The following SCN1A variants were observed in gnomAD, a reference collection of about 807,000 sequenced individuals.
SCN1A encodes sodium voltage-gated channel alpha subunit 1, also known as sodium channel protein type 1 subunit alpha.
A neutral mutation model predicts 193.7 loss-of-function variants in SCN1A; 13 were observed. The ratio of observed to expected loss-of-function variants is 0.07; its 90% CI spans 0.04 to 0.11. The LOEUF (loss-of-function observed/expected upper bound fraction) is 0.11, where lower values mean the gene tolerates loss of function less well. Ranked by LOEUF, SCN1A falls within the 10% of genes least tolerant of loss-of-function variation. The pLI, the probability that SCN1A is intolerant of heterozygous loss-of-function variation, is 1.00. For synonymous variants in SCN1A, 781 were observed against 843.6 expected (o/e 0.93, Z 1.29); for missense variants, 1,432 against 2,451.1 (o/e 0.58, Z 8.78).
At chr2:166,016,979 A>G (rs889233347) in intron 19 of SCN1A, among the ~76,000 whole-genome samples, 1 of 150,500 alleles carries the variant, frequency 6.6e-6, no homozygotes. Flanking sequence ...TATTTGCTTG[A>G]AGAAGGATAG....
In SCN1A at chr2:165,987,557, C is replaced by T. The variant is rs1269549991; in HGVS notation, c.*3688G>A. ...TGCAAGAAACAGATTTGTACTTTTC[C>T]TTATTTACTTACATCAGTATGTATT... is the stretch of plus-strand genomic sequence containing the variant. On this transcript the variant is annotated 3_prime_UTR_variant, in exon 29 of 29. Coordinates refer to ENST00000674923, the MANE Select transcript of SCN1A (RefSeq NM_001165963.4). 2.6e-5 allele frequency: 4 copies of T among 152,000 alleles called. No individual in the cohort carries two copies. The highest frequency in any genetic ancestry group is 2.0e-4 in the Admixed American group (3 of 15,242). 9.4% of individuals were successfully genotyped at this position (152,000 alleles called of 1,614,324 possible).
chr2:166,037,315 G>T (rs1696516240), intron 18 of SCN1A, among the ~76,000 whole-genome samples: 1 of 152,152 alleles, frequency 6.6e-6, no homozygotes, highest in African/African-American at 2.4e-5. Context: ...AATGGCACAA[G>T]CATTATGAAC....
chr2:165,994,857 CAAAT>C (rs1689802826), intron 27 of SCN1A, among the ~76,000 whole-genome samples: 2 of 151,746 alleles, frequency 1.3e-5, no homozygotes, highest in African/African-American at 4.8e-5. Context: ...GTTGTATTCT[CAAAT>C]AATTGTTAAG....
intron 2 of SCN1A, among the ~76,000 whole-genome samples, chr2:166,122,084 G>T (rs148951837): frequency 1.1e-3 from 165 of 152,282 alleles, no homozygotes; most frequent in African/African-American, 3.5e-3. Flanking sequence ...CCAGAACTGT[G>T]ATAAATACTG....
At chr2:166,012,700 G>T (rs1203067109) in intron 21 of SCN1A, among the ~76,000 whole-genome samples, 1 of 137,082 alleles carries the variant, frequency 7.3e-6, no homozygotes, top group East Asian at 2.3e-4. Context: ...AATTGTGATT[G>T]ATCTTCGCAG....
chr2:165,994,148 A>G lies in SCN1A; in HGVS notation c.4850T>C (p.Val1617Ala). The G allele has an allele frequency of 6.2e-7, 1 of 1,605,294 alleles. No individual in the cohort carries two copies. Among genetic ancestry groups the G allele is most frequent in the Non-Finnish European group, 8.5e-7 (1 of 1,173,520 alleles). Reference sequence around the variant, plus strand: ...TAAGAACTTTAAATATTTCTTACCTACAATGGAGAGAATGACAACCACAAA... The same window carrying G: ...TAAGAACTTTAAATATTTCTTACCTGCAATGGAGAGAATGACAACCACAAA... ...FDFVVVILSI[V>A]GMFLAELIEK... is the part of the protein sequence containing the mutation. Residue 1617 changes from valine (V) to alanine (A), a missense_variant and splice_region_variant, in exon 28 of 29, where the codon GTA becomes GCA. Val to Ala is a moderately conservative substitution (Grantham distance 64, BLOSUM62 0). This residue lies in a region of SCN1A where 85 missense variants were observed against 213.2 expected (regional missense o/e 0.40). Transcript: ENST00000674923.
rs991588313 is a variant in SCN1A, at chr2:165,991,821, A to C, written c.5454T>G (p.Asp1818Glu). Residue 1818 changes from aspartate (D) to glutamate (E), a missense_variant, in exon 29 of 29, where the codon GAT becomes GAG. Physicochemically the swap from Asp to Glu is conservative, Grantham distance 45. Transcript: ENST00000674923. ...TTTCAAATTCCATGAACTGAGTTGC[A>C]TCGGGATCAAACTTCTCCCAAACCT... ...FYEVWEKFDPDATQFMEFEKL... is the reference protein window; with the variant it reads ...FYEVWEKFDPEATQFMEFEKL... 6 of 1,613,846 alleles carry C rather than the reference A, an allele frequency of 3.7e-6. No homozygotes were observed. The African/African-American group carries it at 6.7e-5, about 18-fold the overall frequency.
At chr2:166,041,594 T>A (rs1697200610) in intron 15 of SCN1A, 125 bp from the exon 16 acceptor site, 2 of 718,990 alleles carry the variant, frequency 2.8e-6, no homozygotes, top group African/African-American at 3.6e-5. Flanking sequence ...CAACCTTTTT[T>A]GTACTTGTTA....
At chr2:166,140,695 G>T (rs568211203) in intron 1 of SCN1A, among the ~76,000 whole-genome samples, 2 of 152,154 alleles carry the variant, frequency 1.3e-5, no homozygotes, top group Admixed American at 6.5e-5. Flanking sequence ...ACTGCTGATC[G>T]TGAACACTTA....
intron 2 of SCN1A, among the ~76,000 whole-genome samples, chr2:166,116,751 A>T (rs1415749224): frequency 6.6e-6 from 1 of 152,140 alleles, no homozygotes; most frequent in Non-Finnish European, 1.5e-5. Flanking sequence ...AATGAGTTCA[A>T]TGTATTGCCA....
rs774487780 is a variant in SCN1A at position 166,051,963 on chromosome 2, C to G, written c.720G>C (p.Leu240=). The G allele has an allele frequency of 1.6e-5, 25 of 1,611,884 alleles. No homozygotes were observed. The highest frequency in any genetic ancestry group is 1.5e-5 in the Non-Finnish European group (18 of 1,178,574). ...IPGLKTIVGA[L]IQSVKKLSDV... ...CTGAGAGCTTCTTCACAGACTGGAT[C>G]AGGGCTCCCACAATGGTTTTCAGGC... The change falls in exon 9 of 29, where the codon CTG becomes CTC. Residue 240 remains leucine, a synonymous_variant. Transcript: ENST00000674923.
intron 16 of SCN1A, 138 bp downstream of exon 16, chr2:166,041,093 A>C (rs1697108006): frequency 1.4e-6 from 1 of 724,968 alleles, no homozygotes. Flanking sequence ...GAGTATAGCC[A>C]GCTAAATATA....
intron 15 of SCN1A, among the ~76,000 whole-genome samples, chr2:166,041,802 A>C (rs946722861): frequency 6.6e-6 from 1 of 150,918 alleles, no homozygotes; most frequent in African/African-American, 2.4e-5. Context: ...TGTGTGTGCA[A>C]CCCTATGTGA....
At chr2:166,140,747 C>T (rs879277232) in intron 1 of SCN1A, among the ~76,000 whole-genome samples, 6 of 151,878 alleles carry the variant, frequency 4.0e-5, no homozygotes, top group Non-Finnish European at 8.8e-5. Context: ...TTGCAAACAT[C>T]GTATTTAATT....
chr2:166,113,107 A>T (rs1689472251), intron 2 of SCN1A, among the ~76,000 whole-genome samples: 1 of 152,172 alleles, frequency 6.6e-6, no homozygotes, highest in Non-Finnish European at 1.5e-5. Context: ...CAGTTTTGTG[A>T]GACTGAGCCA....
chr2:165,999,648 C>T lies in SCN1A; in HGVS notation c.4338+75G>A, dbSNP rs1161063593. On this transcript the variant is annotated intron_variant, in intron 25 of 28. Coordinates refer to ENST00000674923, the MANE Select transcript of SCN1A (RefSeq NM_001165963.4). ...TCAAGATAGAATCATTTCATTTGGT[C>T]GTTTATGCTTTATTCGATTAATTTT... is the stretch of plus-strand genomic sequence containing the variant. 3.5e-5 allele frequency: 37 copies of T among 1,050,068 alleles called. No individual in the cohort carries two copies. In the Admixed American group the frequency reaches 5.5e-4, roughly 16 times the overall value. The allele number at this position is 1,050,068 out of a possible 1,614,324, so 65.0% of individuals were successfully genotyped here. A position where few individuals can be genotyped will look rare whatever the true frequency, so the allele number is the denominator to read the frequency against.
intron 2 of SCN1A, among the ~76,000 whole-genome samples, chr2:166,112,406 A>C (rs964734646): frequency 2.6e-5 from 4 of 152,192 alleles, no homozygotes; most frequent in African/African-American, 9.6e-5. Flanking sequence ...TCAACATAAT[A>C]CTATCACATA....
chr2:166,031,673 A>G (rs528140640), intron 19 of SCN1A, among the ~76,000 whole-genome samples: 1 of 152,264 alleles, frequency 6.6e-6, no homozygotes, highest in African/African-American at 2.4e-5. Flanking sequence ...CTTGTAAGAA[A>G]ACTTACTGGA....
intron 2 of SCN1A, among the ~76,000 whole-genome samples, chr2:166,084,271 C>T (rs1021317820): frequency 4.1e-5 from 6 of 147,296 alleles, no homozygotes; most frequent in African/African-American, 1.5e-4. Context: ...GCTGTCCTCT[C>T]CCCACCCCTT....
Sources: allele counts gnomAD v4.1 joint callset (sites outside exome capture counted in the v4.1 genomes callset), GRCh38; gene constraint gnomAD v4.1.1; regional missense constraint gnomAD v4.1.1; transcripts MANE v1.5; gene names NCBI Gene and HGNC (gene_info 2026-07-23, HGNC 2026-07-21).